Variants in SLC6A7 observed in about 807,000 individuals in gnomAD.
The protein encoded by SLC6A7 is solute carrier family 6 member 7.
In SLC6A7, 58 loss-of-function variants were observed where a neutral mutation model predicts 73.1. The observed-to-expected ratio is 0.79, with a 90% CI of 0.64 to 0.99. The LOEUF is 0.99. Among genes scored for constraint, SLC6A7 ranks in the 50% least tolerant of loss-of-function variants. The probability of loss-of-function intolerance (pLI) is 0.00; values close to 1 mark genes in which losing one functional copy is unlikely to be tolerated. For synonymous variants in SLC6A7, 338 were observed against 338.7 expected (o/e 1.00, Z 0.02); for missense variants, 783 against 831.4 (o/e 0.94, Z 0.72).
chr5:150,192,508 T>C (rs949594062), intron 1 of SLC6A7, among the ~76,000 whole-genome samples: 3 of 152,180 alleles, frequency 2.0e-5, no homozygotes, highest in African/African-American at 7.2e-5. Context: ...CTGCCCCAGC[T>C]ATTTGATTGC....
chr5:150,209,999 T>C lies in SLC6A7; in HGVS notation c.*384T>C, dbSNP rs1562109059. On this transcript the variant is annotated 3_prime_UTR_variant, in exon 14 of 14. Transcript: ENST00000230671. Reference sequence around the variant, plus strand: ...GCAGCCGGCACCACCTTCTCATCTCTATTCAGGGCCTACACCCCTCCCTTT... The same window carrying C: ...GCAGCCGGCACCACCTTCTCATCTCCATTCAGGGCCTACACCCCTCCCTTT... 1 of 283,818 alleles carries C rather than the reference T, an allele frequency of 3.5e-6. No homozygotes were observed. 17.6% of individuals were successfully genotyped at this position (283,818 alleles called of 1,614,324 possible).
Position 150,199,245 on chromosome 5 carries a change from T to C in SLC6A7, c.602T>C (p.Ile201Thr), listed in dbSNP as rs758993803. 1.6e-5 allele frequency: 25 copies of C among 1,607,424 alleles called. No individual in the cohort carries two copies. The highest frequency in any genetic ancestry group is 3.3e-4 in the Middle Eastern group (2 of 6,050). The change falls in exon 5 of 14, where the codon ATC (isoleucine) becomes ACC (threonine). Residue 201 changes from isoleucine to threonine, a missense_variant. Coordinates refer to ENST00000230671, the MANE Select transcript of SLC6A7 (RefSeq NM_014228.5). ...EEYWSRYVLH[I>T]QGSQGIGSPG... The stretch of plus-strand genomic sequence containing the variant: ...TCCCACAGCCGCTACGTCCTCCACA[T>C]CCAAGGCAGCCAGGGCATCGGCAGC...
In SLC6A7 at chr5:150,205,608, G is replaced by C. The variant is rs754128198; in HGVS notation, c.1686G>C (p.Glu562Asp). ...AGMLVAVLRE[E>D]GSLWERLQQA... ...TGCTGGTGGCTGTGCTTCGAGAAGAGGGCTCACTCTGGGAGGTGAGTCTGC... is the reference window on the plus strand; with the variant it reads ...TGCTGGTGGCTGTGCTTCGAGAAGACGGCTCACTCTGGGAGGTGAGTCTGC... The change falls in exon 13 of 14, where the codon GAG becomes GAC. Residue 562 changes from glutamate to aspartate, a missense_variant. By Grantham distance (45) the Glu-to-Asp change is conservative. Transcript: ENST00000230671. 3 of 1,610,518 alleles carry C rather than the reference G, an allele frequency of 1.9e-6. No individual in the cohort carries two copies. Among genetic ancestry groups the C allele is most frequent in the South Asian group, 1.1e-5 (1 of 90,452 alleles).
chr5:150,195,515 T>A (rs1752976729), intron 2 of SLC6A7, among the ~76,000 whole-genome samples: 1 of 152,226 alleles, frequency 6.6e-6, no homozygotes, highest in South Asian at 2.1e-4. Context: ...TGTGCCCATC[T>A]CATTTAACCC....
Position 150,203,927 on chromosome 5 carries a change from T to C in SLC6A7, c.1221T>C (p.Ile407=). 6.2e-7 allele frequency: 1 copy of C among 1,613,210 alleles called. No individual in the cohort carries two copies. The highest frequency in any genetic ancestry group is 8.5e-7 in the Non-Finnish European group (1 of 1,179,716). Residue 407 remains isoleucine, a synonymous_variant, in exon 10 of 14, where the codon ATT becomes ATC. Transcript: ENST00000230671. ...CTCAGTTTGCTTTTCTGGAGACCATTGTGACAGCTGTGACAGATGAGTTCC... is the reference window on the plus strand; with the variant it reads ...CTCAGTTTGCTTTTCTGGAGACCATCGTGACAGCTGTGACAGATGAGTTCC... ...LDSQFAFLET[I]VTAVTDEFPY... is the part of the protein sequence containing the mutation.
intron 6 of SLC6A7, 152 bp from the exon 7 acceptor site, chr5:150,202,195 C>A: frequency 1.6e-6 from 1 of 633,830 alleles, no homozygotes; most frequent in East Asian, 2.7e-5. Context: ...AGGCTTTGCT[C>A]CTGGTCCACG....
At chr5:150,196,307 C>T (rs1002062541) in intron 2 of SLC6A7, among the ~76,000 whole-genome samples, 1 of 152,108 alleles carries the variant, frequency 6.6e-6, no homozygotes, top group Non-Finnish European at 1.5e-5. Flanking sequence ...ATTGGGCCCA[C>T]GGAACCACAG....
chr5:150,204,532 G>A lies in SLC6A7; in HGVS notation c.1333G>A (p.Gly445Arg), dbSNP rs763263062. Reference protein sequence around the residue: ...YLMGLILTTDGGMYWLVLLDD... With the variant: ...YLMGLILTTDRGMYWLVLLDD... ...CACCAGAACTGTGCTTGTGTTTTAGGGGGGCATGTACTGGCTGGTCCTTCT... is the reference window on the plus strand; with the variant it reads ...CACCAGAACTGTGCTTGTGTTTTAGAGGGGCATGTACTGGCTGGTCCTTCT... Residue 445 changes from glycine to arginine, a missense_variant and splice_region_variant, in exon 11 of 14, where the codon GGG becomes AGG. By Grantham distance (125) the Gly-to-Arg change is moderately radical. Coordinates refer to ENST00000230671, the MANE Select transcript of SLC6A7 (RefSeq NM_014228.5). 1.1e-5 allele frequency: 18 copies of A among 1,612,416 alleles called. No homozygotes were observed. Among genetic ancestry groups the A allele is most frequent in the Non-Finnish European group, 1.5e-5 (18 of 1,178,540 alleles).
intron 1 of SLC6A7, among the ~76,000 whole-genome samples, chr5:150,190,719 G>T (rs1460063790): frequency 1.3e-5 from 2 of 152,202 alleles, no homozygotes; most frequent in African/African-American, 2.4e-5. Flanking sequence ...TGCCGGGTGT[G>T]GGGGGTATTG....
At chr5:150,201,472 A>G (rs1043403352) in intron 6 of SLC6A7, among the ~76,000 whole-genome samples, 2 of 152,202 alleles carry the variant, frequency 1.3e-5, no homozygotes, top group African/African-American at 4.8e-5. Flanking sequence ...TAATTAGCAT[A>G]TGTATTATCT....
chr5:150,199,975 C>T (rs1022610948), intron 5 of SLC6A7, among the ~76,000 whole-genome samples: 1 of 152,186 alleles, frequency 6.6e-6, no homozygotes, highest in African/African-American at 2.4e-5. Flanking sequence ...ATGAGCAGGG[C>T]TGTGCACCCA....
At chr5:150,207,567 T>C (rs1187272520) in intron 13 of SLC6A7, among the ~76,000 whole-genome samples, 1 of 152,156 alleles carries the variant, frequency 6.6e-6, no homozygotes, top group Non-Finnish European at 1.5e-5. Flanking sequence ...TTAGGCCTGT[T>C]ATGAGAAGAA....
intron 13 of SLC6A7, among the ~76,000 whole-genome samples, chr5:150,207,362 T>C (rs890361019): frequency 2.6e-5 from 4 of 152,126 alleles, no homozygotes; most frequent in African/African-American, 7.2e-5. Flanking sequence ...TTCAAGTGAT[T>C]CTCCTGCCTC....
intron 12 of SLC6A7, 97 bp downstream of exon 12, chr5:150,205,024 G>C (rs1051102007): frequency 1.4e-6 from 1 of 715,732 alleles, no homozygotes; most frequent in African/African-American, 1.8e-5. Context: ...ACCCTGGCCC[G>C]CAGTGGAGGG....
At chr5:150,198,796 G>A (rs2113975537) in intron 4 of SLC6A7, among the ~76,000 whole-genome samples, 1 of 149,316 alleles carries the variant, frequency 6.7e-6, no homozygotes, top group South Asian at 2.1e-4. Flanking sequence ...ACACAGTCAT[G>A]GCCAGGCCCT....
chr5:150,197,201 G>C lies in SLC6A7; in HGVS notation c.509G>C (p.Arg170Thr). 2 of 1,613,960 alleles carry C rather than the reference G, an allele frequency of 1.2e-6. No individual in the cohort carries two copies. Among genetic ancestry groups the C allele is most frequent in the Non-Finnish European group, 1.7e-6 (2 of 1,180,018 alleles). The change falls in exon 4 of 14, where the codon AGA becomes ACA. Residue 170 changes from arginine (R) to threonine (T), a missense_variant. Coordinates refer to ENST00000230671, the MANE Select transcript of SLC6A7 (RefSeq NM_014228.5). ...WWNTELCLEH[R>T]VSKDGNGALP... ...AACACAGAACTCTGCCTGGAGCACAGAGTCTCCAAGGACGGCAACGGGGCC... is the reference window on the plus strand; with the variant it reads ...AACACAGAACTCTGCCTGGAGCACACAGTCTCCAAGGACGGCAACGGGGCC...
intron 13 of SLC6A7, 103 bp from the exon 14 acceptor site, chr5:150,209,303 C>A (rs10076748): frequency 0.1 from 96,084 of 958,328 alleles, 5,748 homozygotes; most frequent in African/African-American, 0.23. Context: ...GCCAGGACTC[C>A]CCCAGTGATG....
intron 5 of SLC6A7, among the ~76,000 whole-genome samples, chr5:150,200,100 G>A (rs1753289663): frequency 6.6e-6 from 1 of 152,160 alleles, no homozygotes; most frequent in South Asian, 2.1e-4. Flanking sequence ...GGAAAGTCAG[G>A]TACTGTTATC....
intron 2 of SLC6A7, among the ~76,000 whole-genome samples, chr5:150,196,051 T>C (rs1753003261): frequency 6.6e-6 from 1 of 152,186 alleles, no homozygotes; most frequent in African/African-American, 2.4e-5. Flanking sequence ...AATGAATCTA[T>C]ACAGAATTGC....
Sources: gnomAD v4.1 joint callset for allele counts (sites outside exome capture counted in the v4.1 genomes callset) on GRCh38, gnomAD v4.1.1 for gene constraint, MANE v1.5 for transcripts, NCBI Gene and HGNC (gene_info 2026-07-23, HGNC 2026-07-21) for gene names.